Variants in ZDHHC2 observed in about 807,000 individuals in gnomAD.
The protein encoded by ZDHHC2 is palmitoyltransferase ZDHHC2.
Under a neutral mutation model 55.6 loss-of-function variants are expected in ZDHHC2, and 51 were observed. That is an observed-to-expected ratio of 0.92 (90% CI 0.73 to 1.16). ZDHHC2 has a LOEUF of 1.16. ZDHHC2 is among the 50% of genes most tolerant of loss of function. The pLI, the probability that ZDHHC2 is intolerant of heterozygous loss-of-function variation, is 0.00. For missense variants in ZDHHC2, 491 were observed against 442.4 expected, an observed-to-expected ratio of 1.11 and a Z score of -0.99; for synonymous variants, 199 against 152.9, an observed-to-expected ratio of 1.30 and a Z score of -2.22.
chr8:17,201,481 CTT>C (rs1171396792), intron 6 of ZDHHC2, among the ~76,000 whole-genome samples: 111 of 24,302 alleles, frequency 4.6e-3, no homozygotes, highest in Middle Eastern at 0.053. Flanking sequence ...CTCTCTCTCT[CTT>C]TTTTTTTTTT....
intron 3 of ZDHHC2, among the ~76,000 whole-genome samples, chr8:17,192,404 G>C (rs1806080440): frequency 6.6e-6 from 1 of 152,120 alleles, no homozygotes; most frequent in Non-Finnish European, 1.5e-5. Flanking sequence ...ATACCTGTTT[G>C]CCCTTTGTGT....
chr8:17,209,097 G>A (rs1563167861), intron 8 of ZDHHC2, among the ~76,000 whole-genome samples: 1 of 152,090 alleles, frequency 6.6e-6, no homozygotes, highest in East Asian at 1.9e-4. Flanking sequence ...AGAAGAAAAT[G>A]TAGTATTTTT....
chr8:17,209,821 C>A, intron 8 of ZDHHC2, 111 bp from the exon 9 acceptor site: 1 of 1,287,526 alleles, frequency 7.8e-7, no homozygotes, highest in Non-Finnish European at 1.0e-6. Flanking sequence ...TCACAGTCAG[C>A]TAGCCATTGA....
chr8:17,198,187 T>G (rs1376999014), intron 5 of ZDHHC2, among the ~76,000 whole-genome samples, 194 bp from the exon 6 acceptor site: 1 of 152,180 alleles, frequency 6.6e-6, no homozygotes, highest in African/African-American at 2.4e-5. Context: ...TCAAGTTATA[T>G]TATTATAAGA....
intron 3 of ZDHHC2, among the ~76,000 whole-genome samples, chr8:17,193,282 G>C (rs1325213138): frequency 6.6e-6 from 1 of 152,162 alleles, no homozygotes; most frequent in East Asian, 1.9e-4. Flanking sequence ...CTTACAGACT[G>C]GTAGATGTGT....
intron 6 of ZDHHC2, among the ~76,000 whole-genome samples, chr8:17,199,418 G>GT (rs914417898): frequency 1.2e-3 from 180 of 147,556 alleles, no homozygotes; most frequent in Middle Eastern, 3.5e-3. Flanking sequence ...TTCTTTTCTG[G>GT]TTTTTTTTAC....
At chr8:17,206,997 A>T (rs1252548114) in intron 7 of ZDHHC2, among the ~76,000 whole-genome samples, 2 of 152,222 alleles carry the variant, frequency 1.3e-5, no homozygotes, top group African/African-American at 4.8e-5. Flanking sequence ...TTGAAAAATG[A>T]ACCGTAATGA....
At chr8:17,168,201 G>A (rs938055442) in intron 1 of ZDHHC2, among the ~76,000 whole-genome samples, 2 of 152,082 alleles carry the variant, frequency 1.3e-5, no homozygotes, top group Non-Finnish European at 2.9e-5. Flanking sequence ...CGGAATTTTG[G>A]CTCGGCATTC....
chr8:17,199,527 G>T (rs1313509559), intron 6 of ZDHHC2, among the ~76,000 whole-genome samples: 351 of 29,606 alleles, frequency 0.012, 2 homozygotes, highest in South Asian at 0.03. Context: ...CTTCGTCTTC[G>T]TCTTCTGTCT....
At chr8:17,194,108 TA>T (rs1806182595) in intron 3 of ZDHHC2, among the ~76,000 whole-genome samples, 1 of 152,210 alleles carries the variant, frequency 6.6e-6, no homozygotes, top group South Asian at 2.1e-4. Context: ...CATCCTTTTT[TA>T]TGGCTTCATA....
chr8:17,193,797 C>G (rs1181011922), intron 3 of ZDHHC2, among the ~76,000 whole-genome samples: 1 of 152,142 alleles, frequency 6.6e-6, no homozygotes, highest in East Asian at 1.9e-4. Flanking sequence ...ACTTTAAGTT[C>G]TGGGGTACAT....
intron 1 of ZDHHC2, among the ~76,000 whole-genome samples, chr8:17,183,372 A>G (rs377209483): frequency 6.6e-6 from 1 of 152,224 alleles, no homozygotes; most frequent in South Asian, 2.1e-4. Flanking sequence ...ATTAAAAAAC[A>G]GGCTTGCCTC....
rs1808055542 is a variant in ZDHHC2 at position 17,224,682 on chromosome 8, GTATT to G, written c.*4463_*4466del. 1 of 151,658 alleles carries G rather than the reference GTATT, an allele frequency of 6.6e-6. No homozygotes were observed. Among genetic ancestry groups the G allele is most frequent in the Non-Finnish European group, 1.5e-5 (1 of 67,708 alleles). The allele number at this position is 151,658 out of a possible 1,614,324, so 9.4% of individuals were successfully genotyped here. A position where few individuals can be genotyped will look rare whatever the true frequency, so the allele number is the denominator to read the frequency against. On this transcript the variant is annotated 3_prime_UTR_variant, in exon 13 of 13. Coordinates refer to ENST00000262096, the MANE Select transcript of ZDHHC2 (RefSeq NM_016353.5). Reference sequence around the variant, plus strand: ...TACAGAATGCGTCAGTTCTCCTGTTGTATTTTTCTCAGTTATGAGAGCAAGGCTA... The same window carrying G: ...TACAGAATGCGTCAGTTCTCCTGTTGTTTCTCAGTTATGAGAGCAAGGCTA...
Position 17,198,141 on chromosome 8 carries a change from G to C in ZDHHC2, c.444-240G>C, listed in dbSNP as rs185023907. ...ATACATTATATTGTTTTTAGGAAAT[G>C]AGTTGCTTTGCATCTTAAGCATGTA... On this transcript the variant is annotated intron_variant, in intron 5 of 12. Transcript: ENST00000262096. 2.6e-5 allele frequency among the ~76,000 whole-genome samples: 4 copies of C among 152,210 alleles called. No homozygotes were observed. In the East Asian group the frequency reaches 7.7e-4, roughly 29 times the overall value.
chr8:17,202,024 A>G (rs1461673986), intron 6 of ZDHHC2, among the ~76,000 whole-genome samples: 3 of 152,188 alleles, frequency 2.0e-5, no homozygotes, highest in Admixed American at 1.3e-4. Flanking sequence ...ATTTTCTATC[A>G]AAGTATTTTT....
At chr8:17,171,349 T>C (rs1314156812) in intron 1 of ZDHHC2, among the ~76,000 whole-genome samples, 1 of 152,192 alleles carries the variant, frequency 6.6e-6, no homozygotes. Flanking sequence ...GAGTAAGCTT[T>C]GAAATGAGGA....
At chr8:17,215,776 T>C (rs945844221) in intron 11 of ZDHHC2, among the ~76,000 whole-genome samples, 1 of 152,220 alleles carries the variant, frequency 6.6e-6, no homozygotes, top group Non-Finnish European at 1.5e-5. Context: ...AAAGTTACTG[T>C]GTACCATAAG....
At chr8:17,169,158 T>G (rs987535050) in intron 1 of ZDHHC2, among the ~76,000 whole-genome samples, 15 of 152,284 alleles carry the variant, frequency 9.9e-5, no homozygotes, top group Admixed American at 4.6e-4. Context: ...GAAGCCTGTA[T>G]ATGCCCTTGT....
intron 1 of ZDHHC2, chr8:17,157,639 A>C (rs986108192): frequency 5.3e-5 from 8 of 152,210 alleles, no homozygotes; most frequent in African/African-American, 1.9e-4. Context: ...ATGCACAAGT[A>C]GGGAGTACAA....
Sources: allele counts gnomAD v4.1 joint callset (sites outside exome capture counted in the v4.1 genomes callset), GRCh38; gene constraint gnomAD v4.1.1; transcripts MANE v1.5; gene names NCBI Gene and HGNC (gene_info 2026-07-23, HGNC 2026-07-21).